GABRG1: variants seen among roughly 807,000 people sequenced by gnomAD.
GABRG1 encodes the protein gamma-aminobutyric acid type A receptor subunit gamma1.
Under a neutral mutation model 49.8 loss-of-function variants are expected in GABRG1, and 49 were observed. The ratio of observed to expected loss-of-function variants is 0.98; its 90% CI spans 0.78 to 1.25. The LOEUF (loss-of-function observed/expected upper bound fraction) is 1.25, where lower values mean the gene tolerates loss of function less well. Among genes scored for constraint, GABRG1 ranks in the 50% most tolerant of loss-of-function variants. The pLI, the probability that GABRG1 is intolerant of heterozygous loss-of-function variation, is 0.00. For missense variants in GABRG1, 552 were observed against 552.3 expected (o/e 1.00, Z 0.01); for synonymous variants, 232 against 185.1 (o/e 1.25, Z -2.06).
At chr4:46,086,486 T>C (rs1049561501) in intron 2 of GABRG1, among the ~76,000 whole-genome samples, 1 of 151,544 alleles carries the variant, frequency 6.6e-6, no homozygotes, top group East Asian at 1.9e-4. Context: ...CTTTAGCAGA[T>C]TATGTAGCTT....
intron 8 of GABRG1, among the ~76,000 whole-genome samples, chr4:46,047,277 A>G (rs1718036379): frequency 6.6e-6 from 1 of 152,088 alleles, no homozygotes; most frequent in Admixed American, 6.6e-5. Flanking sequence ...TTGTTCTCAC[A>G]TGTAAGGCTC....
intron 1 of GABRG1, among the ~76,000 whole-genome samples, chr4:46,111,865 TA>T (rs1264918824): frequency 4.0e-5 from 6 of 151,250 alleles, no homozygotes; most frequent in Admixed American, 2.6e-4. Flanking sequence ...GGTTTAAATG[TA>T]AAACTTCACA....
At chr4:46,119,759 A>T (rs1340258314) in intron 1 of GABRG1, among the ~76,000 whole-genome samples, 1 of 151,498 alleles carries the variant, frequency 6.6e-6, no homozygotes, top group Non-Finnish European at 1.5e-5. Context: ...TTTGATTAAA[A>T]TATATTTTTT....
intron 3 of GABRG1, among the ~76,000 whole-genome samples, chr4:46,081,489 T>C (rs759479475): frequency 4.0e-5 from 6 of 151,484 alleles, no homozygotes; most frequent in Admixed American, 1.3e-4. Context: ...TTACATTGAG[T>C]AGGAGAAAAA....
chr4:46,077,259 C>A (rs1424994224), intron 3 of GABRG1, among the ~76,000 whole-genome samples: 1 of 151,318 alleles, frequency 6.6e-6, no homozygotes. Flanking sequence ...ATGTAACAAA[C>A]CTGCACGTTG....
chr4:46,045,665 A>ATAATGAAT (rs1291507045), intron 8 of GABRG1, among the ~76,000 whole-genome samples: 6 of 152,076 alleles, frequency 3.9e-5, no homozygotes, highest in African/African-American at 1.4e-4. Context: ...ATTAATCACA[A>ATAATGAAT]TAATGAATTC....
chr4:46,067,402 CTT>C (rs2109410660), intron 3 of GABRG1, among the ~76,000 whole-genome samples: 1 of 152,100 alleles, frequency 6.6e-6, no homozygotes, highest in African/African-American at 2.4e-5. Context: ...AATATATACA[CTT>C]ATAATTCTGA....
chr4:46,113,376 T>A (rs1036723790), intron 1 of GABRG1, among the ~76,000 whole-genome samples: 4 of 150,922 alleles, frequency 2.7e-5, no homozygotes, highest in Middle Eastern at 3.4e-3. Context: ...TATAAAACCA[T>A]CAAATCTCCT....
chr4:46,123,013 A>G (rs1560379305), intron 1 of GABRG1, among the ~76,000 whole-genome samples: 1 of 151,616 alleles, frequency 6.6e-6, no homozygotes. Context: ...ACTGAAAGGT[A>G]TTCCAGTCCA....
chr4:46,060,247 C>T (rs9990704), intron 5 of GABRG1, among the ~76,000 whole-genome samples: 1,389 of 136,698 alleles, frequency 0.01, 18 homozygotes, highest in African/African-American at 0.035. Context: ...TTTTAGCTTT[C>T]GGTGGTTGTA....
chr4:46,082,923 T>C (rs927522742), intron 3 of GABRG1, among the ~76,000 whole-genome samples: 22 of 151,870 alleles, frequency 1.4e-4, no homozygotes, highest in Middle Eastern at 3.4e-3. Context: ...TCTCACACAT[T>C]CTTAATGTCT....
chr4:46,083,896 T>C, intron 3 of GABRG1, 90 bp downstream of exon 3: 2 of 739,622 alleles, frequency 2.7e-6, no homozygotes, highest in East Asian at 2.7e-5. Flanking sequence ...CAGAATTAAC[T>C]ATAAAAAATT....
intron 1 of GABRG1, among the ~76,000 whole-genome samples, chr4:46,100,019 A>C (rs1720327835): frequency 6.6e-6 from 1 of 151,792 alleles, no homozygotes; most frequent in African/African-American, 2.4e-5. Flanking sequence ...ATTATTTTAA[A>C]GTATACAAAG....
Position 46,058,348 on chromosome 4 carries a change from A to G in GABRG1, c.785T>C (p.Ile262Thr). Residue 262 changes from isoleucine to threonine, a missense_variant, in exon 7 of 9, where the codon ATT becomes ACT. Coordinates refer to ENST00000295452, the MANE Select transcript of GABRG1 (RefSeq NM_173536.4). Reference protein sequence around the residue: ...TISGDYVIMTIFFDLSRRMGY... With the variant: ...TISGDYVIMTTFFDLSRRMGY... ...CATTCTTCTGCTCAGGTCAAAAAAAATTGTCATGATAACATAATCCCCTGT... is the reference window on the plus strand; with the variant it reads ...CATTCTTCTGCTCAGGTCAAAAAAAGTTGTCATGATAACATAATCCCCTGT... The G allele has an allele frequency of 6.2e-7, 1 of 1,611,682 alleles. No individual in the cohort carries two copies. The highest frequency in any genetic ancestry group is 8.5e-7 in the Non-Finnish European group (1 of 1,179,068).
At chr4:46,074,028 TAAGAAG>T (rs1481796977) in intron 3 of GABRG1, among the ~76,000 whole-genome samples, 2 of 152,130 alleles carry the variant, frequency 1.3e-5, no homozygotes, top group African/African-American at 4.8e-5. Flanking sequence ...AACAGCATGA[TAAGAAG>T]TTCTCTGTGA....
intron 2 of GABRG1, among the ~76,000 whole-genome samples, chr4:46,088,815 T>TGTGTGTGTG (rs35197192): frequency 0.016 from 2,054 of 131,616 alleles, 60 homozygotes; most frequent in African/African-American, 0.049. Flanking sequence ...TTGTGTGTGT[T>TGTGTGTGTG]TGTGTGTGTG....
chr4:46,063,817 C>A (rs1718804133), intron 5 of GABRG1, among the ~76,000 whole-genome samples: 1 of 152,092 alleles, frequency 6.6e-6, no homozygotes, highest in Non-Finnish European at 1.5e-5. Context: ...CTACAATGAA[C>A]TCAAACAAAT....
Position 46,058,507 on chromosome 4 carries a change from A to G in GABRG1, c.741T>C (p.Thr247=), listed in dbSNP as rs564336520. Residue 247 remains threonine, a synonymous_variant, in exon 6 of 9, where the codon ACT becomes ACC. Coordinates refer to ENST00000295452, the MANE Select transcript of GABRG1 (RefSeq NM_173536.4). ...TACCAGAGATCGTGTGAGTGATTTC[A>G]GTTGAGTTCCGTAACCCTACAAATG... ...QFAFVGLRNS[T]EITHTISGDY... is the part of the protein sequence containing the mutation. The G allele has an allele frequency of 1.2e-6, 2 of 1,613,134 alleles. No individual in the cohort carries two copies. The highest frequency in any genetic ancestry group is 1.7e-6 in the Non-Finnish European group (2 of 1,179,506).
intron 3 of GABRG1, among the ~76,000 whole-genome samples, chr4:46,077,105 A>G (rs1719377597): frequency 6.9e-6 from 1 of 145,266 alleles, no homozygotes; most frequent in Non-Finnish European, 1.5e-5. Flanking sequence ...TACAATGAGA[A>G]CACATGGACA....
Sources: allele counts gnomAD v4.1 joint callset (sites outside exome capture counted in the v4.1 genomes callset), GRCh38; gene constraint gnomAD v4.1.1; transcripts MANE v1.5; gene names NCBI Gene and HGNC (gene_info 2026-07-23, HGNC 2026-07-21).